Variants in HOOK3 observed in about 807,000 individuals in gnomAD.
The protein encoded by HOOK3 is hook microtubule tethering protein 3, also known as protein Hook homolog 3.
Under a neutral mutation model 116.3 loss-of-function variants are expected in HOOK3, and 24 were observed. The ratio of observed to expected loss-of-function variants is 0.21; its 90% CI spans 0.15 to 0.29. The LOEUF is 0.29. Among genes scored for constraint, HOOK3 ranks in the 10% least tolerant of loss-of-function variants. The pLI is 1.00. For synonymous variants in HOOK3, 275 were observed against 283.0 expected, an observed-to-expected ratio of 0.97 and a Z score of 0.28; for missense variants, 632 against 830.2, an observed-to-expected ratio of 0.76 and a Z score of 2.93.
intron 17 of HOOK3, among the ~76,000 whole-genome samples, chr8:43,006,349 CTG>C (rs1809488760): frequency 6.6e-6 from 1 of 152,020 alleles, no homozygotes; most frequent in South Asian, 2.1e-4. Flanking sequence ...GAGTCTCACT[CTG>C]TTGCCCAGGC....
chr8:42,950,450 C>G lies in HOOK3; in HGVS notation c.463C>G (p.Gln155Glu). 6.2e-7 allele frequency: 1 copy of G among 1,604,548 alleles called. No individual in the cohort carries two copies. Among genetic ancestry groups the G allele is most frequent in the Non-Finnish European group, 8.5e-7 (1 of 1,172,164 alleles). ...SVQHVVMTAIQELMSKESPVS... is the reference protein window; with the variant it reads ...SVQHVVMTAIEELMSKESPVS... ...TCAACATGTTGTCATGACAGCCATTCAAGAGGTATGTTGGAGCTTCATGCT... is the reference window on the plus strand; with the variant it reads ...TCAACATGTTGTCATGACAGCCATTGAAGAGGTATGTTGGAGCTTCATGCT... Residue 155 changes from glutamine (Q) to glutamate (E), a missense_variant, in exon 6 of 22, where the codon CAA (glutamine) becomes GAA (glutamate). Physicochemically the swap from Gln to Glu is conservative, Grantham distance 29 (BLOSUM62 2). Coordinates refer to ENST00000307602, the MANE Select transcript of HOOK3 (RefSeq NM_032410.4).
At chr8:42,964,938 A>G (rs941805911) in intron 9 of HOOK3, among the ~76,000 whole-genome samples, 4 of 152,218 alleles carry the variant, frequency 2.6e-5, no homozygotes, top group African/African-American at 9.6e-5. Flanking sequence ...AAACTACTTC[A>G]CGTCTAGGAA....
At chr8:42,934,370 CAT>C (rs1279338875) in intron 4 of HOOK3, among the ~76,000 whole-genome samples, 1 of 151,982 alleles carries the variant, frequency 6.6e-6, no homozygotes, top group Non-Finnish European at 1.5e-5. Context: ...GAATATTAAT[CAT>C]AGATTTTTTT....
intron 4 of HOOK3, among the ~76,000 whole-genome samples, chr8:42,938,075 G>A (rs1808008070): frequency 6.6e-6 from 1 of 152,128 alleles, no homozygotes; most frequent in South Asian, 2.1e-4. Context: ...GGGTGCTCCT[G>A]TATTGGGTGC....
intron 9 of HOOK3, among the ~76,000 whole-genome samples, chr8:42,965,551 G>T (rs926874531): frequency 1.3e-5 from 2 of 152,118 alleles, no homozygotes; most frequent in Admixed American, 6.6e-5. Context: ...GCACAAAATC[G>T]AAAGACAAGA....
At chr8:43,002,041 C>A in intron 16 of HOOK3, 66 bp from the exon 17 acceptor site, 1 of 1,110,202 alleles carries the variant, frequency 9.0e-7, no homozygotes, top group Non-Finnish European at 1.4e-6. Context: ...GTACTTTTAA[C>A]TTAAAAGAAA....
At chr8:42,996,405 AAAAAG>A (rs1284761826) in intron 15 of HOOK3, among the ~76,000 whole-genome samples, 1 of 150,374 alleles carries the variant, frequency 6.7e-6, no homozygotes, top group Non-Finnish European at 1.5e-5. Flanking sequence ...AAAAAAAAAG[AAAAAG>A]AAAAAGAAAA....
At chr8:43,012,311 T>C (rs1361066210) in intron 19 of HOOK3, among the ~76,000 whole-genome samples, 1 of 152,220 alleles carries the variant, frequency 6.6e-6, no homozygotes, top group Non-Finnish European at 1.5e-5. Context: ...TACAAACCTG[T>C]ACAGCACATT....
chr8:42,958,855 T>C (rs945865750), intron 7 of HOOK3, among the ~76,000 whole-genome samples: 2 of 152,128 alleles, frequency 1.3e-5, no homozygotes, highest in African/African-American at 4.8e-5. Context: ...TGAAATGTTC[T>C]AGCTGCATAT....
intron 8 of HOOK3, among the ~76,000 whole-genome samples, chr8:42,960,194 T>A (rs1335895960): frequency 2.6e-5 from 4 of 152,246 alleles, no homozygotes; most frequent in African/African-American, 9.6e-5. Context: ...ATTGGCAAAC[T>A]GTGGCTTGCT....
At chr8:42,925,523 G>T (rs1294947549) in intron 2 of HOOK3, 34 bp from the exon 3 acceptor site, 2 of 1,412,764 alleles carry the variant, frequency 1.4e-6, no homozygotes, top group African/African-American at 1.4e-5. Context: ...ATAGCTACAT[G>T]ATTTTAATAT....
At chr8:42,957,049 G>A (rs748315666) in intron 6 of HOOK3, 45 bp from the exon 7 acceptor site, 20 of 1,056,896 alleles carry the variant, frequency 1.9e-5, no homozygotes, top group Admixed American at 1.0e-4. Flanking sequence ...TATGTAGAAT[G>A]TCTTTTTTGC....
At chr8:42,962,192 C>T (rs1056004864) in intron 8 of HOOK3, among the ~76,000 whole-genome samples, 1 of 152,042 alleles carries the variant, frequency 6.6e-6, no homozygotes, top group Non-Finnish European at 1.5e-5. Flanking sequence ...AAGTGATCCT[C>T]CCACCTCAGC....
intron 16 of HOOK3, chr8:43,001,190 T>G (rs1345556301): frequency 6.6e-6 from 1 of 152,022 alleles, no homozygotes; most frequent in South Asian, 2.1e-4. Flanking sequence ...GACATGTGGA[T>G]CTACTGAGGT....
chr8:42,962,022 G>A (rs117388739), intron 8 of HOOK3, among the ~76,000 whole-genome samples: 2,492 of 151,938 alleles, frequency 0.016, 31 homozygotes, highest in Non-Finnish European at 0.022. Context: ...CCTGAGCTCC[G>A]GTGATCTGCC....
chr8:42,986,938 C>T (rs1332616718), intron 15 of HOOK3, 143 bp downstream of exon 15: 68 of 803,276 alleles, frequency 8.5e-5, no homozygotes, highest in Non-Finnish European at 6.1e-6. Flanking sequence ...GGGCAGATCG[C>T]TTGAGCTCGG....
At chr8:42,974,340 A>C in intron 13 of HOOK3, 146 bp downstream of exon 13, 1 of 549,270 alleles carries the variant, frequency 1.8e-6, no homozygotes, top group Non-Finnish European at 3.3e-6. Context: ...TCCTGGATTC[A>C]AGCGATTCTC....
intron 11 of HOOK3, among the ~76,000 whole-genome samples, chr8:42,970,831 A>G (rs933308529): frequency 3.7e-5 from 5 of 135,290 alleles, no homozygotes; most frequent in African/African-American, 1.5e-4. Flanking sequence ...TCTGTCATCC[A>G]GGCTAGAGTG....
intron 2 of HOOK3, among the ~76,000 whole-genome samples, chr8:42,916,330 G>T (rs1191651705): frequency 2.0e-5 from 3 of 152,268 alleles, no homozygotes; most frequent in East Asian, 3.9e-4. Context: ...TTCAAGAAGG[G>T]TTTACCACTG....
Sources: allele counts gnomAD v4.1 joint callset (sites outside exome capture counted in the v4.1 genomes callset), GRCh38; gene constraint gnomAD v4.1.1; transcripts MANE v1.5; gene names NCBI Gene and HGNC (gene_info 2026-07-23, HGNC 2026-07-21).